The following H2BK1 variants were observed in gnomAD, a reference collection of about 807,000 sequenced individuals.
The protein encoded by H2BK1 is H2B.K variant histone 1.
the H2BK1 span, among the ~76,000 whole-genome samples, chr7:151,209,550 A>G: frequency 6.6e-6 from 1 of 152,162 alleles, no homozygotes; most frequent in African/African-American, 2.4e-5. Flanking sequence ...AAGTCCTGGG[A>G]GTAGCTGCTT....
At chr7:151,208,216 C>T in the H2BK1 span, 1 of 1,108,558 alleles carries the variant, frequency 9.0e-7, no homozygotes, top group Non-Finnish European at 1.3e-6. Flanking sequence ...AAGCCAGAGG[C>T]AGAAGGCAAG....
At chr7:151,208,748 C>A in the H2BK1 span, among the ~76,000 whole-genome samples, 1 of 152,220 alleles carries the variant, frequency 6.6e-6, no homozygotes, top group Non-Finnish European at 1.5e-5. Flanking sequence ...TGAATCCCTA[C>A]GACCTCAAAT....
At chr7:151,208,670 T>C in the H2BK1 span, among the ~76,000 whole-genome samples, 2 of 152,122 alleles carry the variant, frequency 1.3e-5, no homozygotes, top group African/African-American at 4.8e-5. Flanking sequence ...ACATAACCAG[T>C]GAGCCTGTCC....
At chr7:151,210,423 G>A in the H2BK1 span, 79 of 377,212 alleles carry the variant, frequency 2.1e-4, 3 homozygotes, top group East Asian at 1.7e-3. Flanking sequence ...GGAGGGGGGG[G>A]GGGGGCAGGT....
chr7:151,209,204 C>G, the H2BK1 span, among the ~76,000 whole-genome samples: 1 of 152,090 alleles, frequency 6.6e-6, no homozygotes, highest in Non-Finnish European at 1.5e-5. Context: ...AGACACAAGG[C>G]TCAGCGATAC....
the H2BK1 span, chr7:151,208,238 C>T: frequency 5.1e-6 from 4 of 782,834 alleles, no homozygotes; most frequent in East Asian, 2.7e-5. Flanking sequence ...AGGCTCCTCA[C>T]CAGCCCCTTC....
At chr7:151,209,188 G>C in the H2BK1 span, among the ~76,000 whole-genome samples, 1 of 151,854 alleles carries the variant, frequency 6.6e-6, no homozygotes, top group African/African-American at 2.4e-5. Context: ...CCTCAAAGTC[G>C]GGCTAAGACA....
chr7:151,210,375 C>T, the H2BK1 span: 1 of 312,708 alleles, frequency 3.2e-6, no homozygotes, highest in Non-Finnish European at 5.7e-6. Flanking sequence ...TTTATCAAGT[C>T]AGCTGCCCCA....
At chr7:151,208,972 G>A in the H2BK1 span, among the ~76,000 whole-genome samples, 3 of 58,916 alleles carry the variant, frequency 5.1e-5, no homozygotes, top group Admixed American at 3.1e-4. Context: ...TGTCCCACCC[G>A]CCCTCCCTGC....
chr7:151,208,604 A>G, the H2BK1 span, among the ~76,000 whole-genome samples: 1 of 152,136 alleles, frequency 6.6e-6, no homozygotes, highest in African/African-American at 2.4e-5. Flanking sequence ...AGGGAAGGTT[A>G]TTTCCAGAGG....
At chr7:151,210,041 G>A in the H2BK1 span, 57 of 394,738 alleles carry the variant, frequency 1.4e-4, no homozygotes, top group Middle Eastern at 1.9e-3. Flanking sequence ...TCAAAAACCA[G>A]GTCCCGCCAC....
chr7:151,208,693 C>T, the H2BK1 span, among the ~76,000 whole-genome samples: 1 of 152,140 alleles, frequency 6.6e-6, no homozygotes, highest in Admixed American at 6.5e-5. Flanking sequence ...GTGACACAGT[C>T]GCAGCCCCGG....
the H2BK1 span, chr7:151,208,073 A>G: frequency 6.8e-5 from 109 of 1,613,120 alleles, no homozygotes; most frequent in Non-Finnish European, 8.8e-5. Context: ...CATGATGCTC[A>G]TGGCCTTGGC....
chr7:151,208,010 AG>A, the H2BK1 span: 3 of 1,593,134 alleles, frequency 1.9e-6, no homozygotes, highest in Middle Eastern at 1.7e-4. Flanking sequence ...GTACTGGGCC[AG>A]CCGGGCAGCC....
the H2BK1 span, among the ~76,000 whole-genome samples, chr7:151,209,525 G>A: frequency 6.6e-6 from 1 of 152,190 alleles, no homozygotes; most frequent in East Asian, 1.9e-4. Context: ...CAGACAAATT[G>A]ATTGTCAGTG....
the H2BK1 span, chr7:151,210,058 A>G: frequency 5.1e-6 from 2 of 395,998 alleles, no homozygotes; most frequent in African/African-American, 4.1e-5. Flanking sequence ...CCACCTCAAG[A>G]GGGGCCAGGC....
the H2BK1 span, among the ~76,000 whole-genome samples, chr7:151,208,985 C>T: frequency 6.7e-6 from 1 of 148,776 alleles, no homozygotes; most frequent in African/African-American, 2.5e-5. Context: ...CTCCCTGCCA[C>T]CTCTGGTCTC....
chr7:151,209,613 A>G, the H2BK1 span, among the ~76,000 whole-genome samples: 1 of 152,164 alleles, frequency 6.6e-6, no homozygotes, highest in East Asian at 1.9e-4. Context: ...GGAGACGGAC[A>G]CACAGGAAGG....
the H2BK1 span, chr7:151,210,417 G>GTT: frequency 8.4e-5 from 2 of 23,742 alleles, no homozygotes; most frequent in Non-Finnish European, 1.7e-4. Context: ...CACCTGGGAG[G>GTT]GGGGGGGGGG....
Sources: gnomAD v4.1 joint callset for allele counts (sites outside exome capture counted in the v4.1 genomes callset) on GRCh38, gnomAD v4.1.1 for gene constraint, MANE v1.5 for transcripts, NCBI Gene and HGNC (gene_info 2026-07-23, HGNC 2026-07-21) for gene names.